The following CPQ variants were observed in gnomAD, a reference collection of about 807,000 sequenced individuals.
CPQ encodes the protein Ser-Met dipeptidase.
A neutral mutation model predicts 45.7 loss-of-function variants in CPQ; 37 were observed. The ratio of observed to expected loss-of-function variants is 0.81; its 90% CI spans 0.62 to 1.07. The LOEUF (loss-of-function observed/expected upper bound fraction) is 1.07, where lower values mean the gene tolerates loss of function less well. CPQ is among the 50% of genes least tolerant of loss of function. CPQ has a pLI of 0.00. For synonymous variants in CPQ, 186 were observed against 205.8 expected, an observed-to-expected ratio of 0.90 and a Z score of 0.82; for missense variants, 537 against 572.9, an observed-to-expected ratio of 0.94 and a Z score of 0.64.
chr8:97,132,062 C>A (rs941623663), intron 7 of CPQ, among the ~76,000 whole-genome samples: 1 of 152,088 alleles, frequency 6.6e-6, no homozygotes, highest in Non-Finnish European at 1.5e-5. Flanking sequence ...AATTTTTAAA[C>A]CTTTTTAAAG....
intron 3 of CPQ, among the ~76,000 whole-genome samples, chr8:96,876,208 G>A (rs1446484814): frequency 1.3e-5 from 2 of 151,856 alleles, no homozygotes; most frequent in Non-Finnish European, 2.9e-5. Flanking sequence ...ATCGTTTTGT[G>A]TGTGTATGTG....
intron 2 of CPQ, among the ~76,000 whole-genome samples, chr8:96,804,343 T>C (rs1440370211): frequency 6.6e-6 from 1 of 152,138 alleles, no homozygotes; most frequent in African/African-American, 2.4e-5. Flanking sequence ...GGGAGGTTGT[T>C]AGATGGTAAT....
chr8:96,986,567 C>T (rs1246315755), intron 5 of CPQ, among the ~76,000 whole-genome samples: 3 of 152,114 alleles, frequency 2.0e-5, no homozygotes, highest in Non-Finnish European at 2.9e-5. Context: ...ATCTAAGCCA[C>T]TCATGACACA....
intron 4 of CPQ, among the ~76,000 whole-genome samples, chr8:96,937,108 CA>C (rs909013745): frequency 6.6e-6 from 1 of 151,996 alleles, no homozygotes; most frequent in Non-Finnish European, 1.5e-5. Flanking sequence ...GTCTTGCCCT[CA>C]AAAAGCTTAC....
rs1390093632 is a variant in CPQ at position 97,123,066 on chromosome 8, A to ATAAATAAAAT, written c.1256-19954_1256-19953insTAAATAAAAT. Among the ~76,000 whole-genome samples, 24 of 47,808 alleles carry ATAAATAAAAT rather than the reference A, an allele frequency of 5.0e-4. 6 individuals carry two copies. The highest frequency in any genetic ancestry group is 3.0e-3 in the African/African-American group (20 of 6,662). The allele number at this position is 47,808 out of a possible 152,430, so 31.4% of individuals were successfully genotyped here. On this transcript the variant is annotated intron_variant, in intron 7 of 7. Transcript: ENST00000220763. ...AATAAATAAAATAAAATAAAATAAAAAAAATAAAATAAAATAAATAAAATA... is the reference window on the plus strand; with the variant it reads ...AATAAATAAAATAAAATAAAATAAAATAAATAAAATAAAATAAAATAAAATAAATAAAATA...
chr8:97,099,115 CTTTTTTT>C (rs34830752), intron 7 of CPQ, among the ~76,000 whole-genome samples: 19 of 66,336 alleles, frequency 2.9e-4, no homozygotes, highest in African/African-American at 8.0e-4. Flanking sequence ...CCTTCTCTCT[CTTTTTTT>C]TTTTTTTTTT....
intron 7 of CPQ, among the ~76,000 whole-genome samples, chr8:97,087,013 T>A (rs922119208): frequency 1.3e-4 from 20 of 152,216 alleles, no homozygotes; most frequent in African/African-American, 4.8e-4. Context: ...TGGAAGTTTT[T>A]AATAAACCTC....
At chr8:97,016,139 T>TATCA (rs1475919055) in intron 5 of CPQ, among the ~76,000 whole-genome samples, 2 of 152,208 alleles carry the variant, frequency 1.3e-5, no homozygotes, top group Non-Finnish European at 2.9e-5. Flanking sequence ...TGTAAATACC[T>TATCA]ATCATTTAAT....
intron 1 of CPQ, among the ~76,000 whole-genome samples, chr8:96,742,810 C>G (rs1285799782): frequency 6.6e-6 from 1 of 152,162 alleles, no homozygotes; most frequent in African/African-American, 2.4e-5. Context: ...GGCCCTCACT[C>G]TCTTCTGGCT....
At chr8:96,829,892 C>A (rs143732809) in intron 2 of CPQ, among the ~76,000 whole-genome samples, 1 of 152,062 alleles carries the variant, frequency 6.6e-6, no homozygotes, top group Non-Finnish European at 1.5e-5. Flanking sequence ...CATTGCCCAG[C>A]GTGAAATTTT....
intron 1 of CPQ, among the ~76,000 whole-genome samples, chr8:96,776,367 G>A (rs567466882): frequency 6.6e-6 from 1 of 152,242 alleles, no homozygotes; most frequent in African/African-American, 2.4e-5. Context: ...GGAATGGAGG[G>A]TTTAGGGGAA....
At chr8:96,923,131 C>T (rs1812830962) in intron 4 of CPQ, among the ~76,000 whole-genome samples, 1 of 152,144 alleles carries the variant, frequency 6.6e-6, no homozygotes, top group African/African-American at 2.4e-5. Context: ...CAGAGAAGCC[C>T]CATCTTTCCT....
At position 96,703,287 on chromosome 8, in the gene CPQ, T is replaced by A. The variant is rs529943113; in HGVS notation, c.-35+57885T>A. Among the ~76,000 whole-genome samples the A allele has an allele frequency of 3.6e-3, 544 of 152,332 alleles. 1 individual carries two copies. The highest frequency in any genetic ancestry group is 6.0e-3 in the Non-Finnish European group (410 of 68,026). On this transcript the variant is annotated intron_variant, in intron 1 of 7. Transcript: ENST00000220763. ...GTCTTGCCACCTAAGTTTAGCTTGA[T>A]GCACAGTCTTCTAAGCTATGTGGCC...
At chr8:96,682,748 A>G (rs1309171553) in intron 1 of CPQ, among the ~76,000 whole-genome samples, 2 of 152,184 alleles carry the variant, frequency 1.3e-5, no homozygotes, top group Non-Finnish European at 2.9e-5. Flanking sequence ...TTTATCTGAT[A>G]TAACTATCAC....
intron 4 of CPQ, among the ~76,000 whole-genome samples, chr8:96,908,095 C>T (rs557299596): frequency 9.3e-4 from 134 of 144,746 alleles, no homozygotes; most frequent in African/African-American, 3.4e-3. Context: ...TTGGATTTCT[C>T]CCCCACTGCA....
chr8:96,880,640 C>T (rs1421036113), intron 4 of CPQ, among the ~76,000 whole-genome samples: 2 of 146,276 alleles, frequency 1.4e-5, no homozygotes, highest in Admixed American at 7.0e-5. Flanking sequence ...AAGATGGGCA[C>T]AACTGAAGGC....
intron 1 of CPQ, among the ~76,000 whole-genome samples, chr8:96,754,477 G>A (rs1053215078): frequency 6.6e-6 from 1 of 151,986 alleles, no homozygotes; most frequent in Non-Finnish European, 1.5e-5. Flanking sequence ...AGTTAGGATA[G>A]CTTTTCCTAC....
In CPQ at chr8:96,850,537, G is replaced by A. The variant is rs139343131; in HGVS notation, c.641+15357G>A. Among the ~76,000 whole-genome samples the A allele has an allele frequency of 5.2e-3, 787 of 151,618 alleles. 3 individuals carry two copies. Among genetic ancestry groups the A allele is most frequent in the African/African-American group, 0.015 (629 of 41,346 alleles). On this transcript the variant is annotated intron_variant, in intron 3 of 7. Transcript: ENST00000220763. ...TGATGCTCGTAAATACTCCAAAAAG[G>A]CATTAAGGTGTTACACTGATTTTTA... is the stretch of plus-strand genomic sequence containing the variant.
chr8:96,815,581 G>A (rs1811217280), intron 2 of CPQ, among the ~76,000 whole-genome samples: 1 of 152,128 alleles, frequency 6.6e-6, no homozygotes, highest in Admixed American at 6.6e-5. Flanking sequence ...TCTGATCCCA[G>A]AAGCTCTCAT....
Sources: allele counts gnomAD v4.1 joint callset (sites outside exome capture counted in the v4.1 genomes callset), GRCh38; gene constraint gnomAD v4.1.1; transcripts MANE v1.5; gene names NCBI Gene and HGNC (gene_info 2026-07-23, HGNC 2026-07-21).